Variants in SHROOM3 observed in about 807,000 individuals in gnomAD.
SHROOM3 encodes the protein shroom family member 3.
A neutral mutation model predicts 138.6 loss-of-function variants in SHROOM3; 47 were observed. That is an observed-to-expected ratio of 0.34 (90% CI 0.27 to 0.43). The LOEUF is 0.43. SHROOM3 is among the 20% of genes least tolerant of loss of function. The pLI is 1.00. For synonymous variants in SHROOM3, 1,062 were observed against 1,063.3 expected (o/e 1.00, Z 0.02); for missense variants, 2,491 against 2,596.5 (o/e 0.96, Z 0.88).
chr4:76,526,240 G>T (rs1277513172), intron 1 of SHROOM3, among the ~76,000 whole-genome samples: 3 of 152,144 alleles, frequency 2.0e-5, no homozygotes, highest in Non-Finnish European at 4.4e-5. Context: ...GGTGGCAGGT[G>T]CCTGTAATCC....
chr4:76,444,499 T>C (rs1730764797), intron 1 of SHROOM3, among the ~76,000 whole-genome samples: 1 of 132,050 alleles, frequency 7.6e-6, no homozygotes, highest in African/African-American at 2.8e-5. Flanking sequence ...TTTTTTTTTT[T>C]TTTTTTTTTT....
chr4:76,723,932 T>C (rs1361864761), intron 3 of SHROOM3, among the ~76,000 whole-genome samples: 2 of 152,242 alleles, frequency 1.3e-5, no homozygotes, highest in Non-Finnish European at 2.9e-5. Context: ...AGCAAGATTA[T>C]AAACTCTTAG....
chr4:76,541,138 AATAG>A (rs1733089127), intron 1 of SHROOM3, among the ~76,000 whole-genome samples: 1 of 152,162 alleles, frequency 6.6e-6, no homozygotes, highest in African/African-American at 2.4e-5. Context: ...TGTACGTTAT[AATAG>A]ATGTTCTACA....
rs866701391 is a variant in SHROOM3 at position 76,740,758 on chromosome 4, C to T, written c.2585C>T (p.Pro862Leu). The T allele has an allele frequency of 6.2e-7, 1 of 1,612,992 alleles. No homozygotes were observed. The highest frequency in any genetic ancestry group is 8.5e-7 in the Non-Finnish European group (1 of 1,180,000). The stretch of plus-strand genomic sequence containing the variant: ...AAGTTGGAAGAGGCTTCCCGGCAGC[C>T]CTGCGGTCAGCAGCTGAGCGGAGGA... Reference protein sequence around the residue: ...ELKLEEASRQPCGQQLSGGAS... With the variant: ...ELKLEEASRQLCGQQLSGGAS... The change falls in exon 5 of 11, where the codon CCC becomes CTC. Residue 862 changes from proline to leucine, a missense_variant. Pro to Leu is a moderately conservative substitution (Grantham distance 98, BLOSUM62 -3). Coordinates refer to ENST00000296043, the MANE Select transcript of SHROOM3 (RefSeq NM_020859.4). This position sits in a 1 kb window ranked among gnomAD's most constrained non-coding sequence, Gnocchi z 4.0.
At chr4:76,526,238 G>A (rs187676533) in intron 1 of SHROOM3, among the ~76,000 whole-genome samples, 1 of 152,152 alleles carries the variant, frequency 6.6e-6, no homozygotes, top group East Asian at 1.9e-4. Context: ...GTGGTGGCAG[G>A]TGCCTGTAAT....
chr4:76,474,273 G>A (rs992602878), intron 1 of SHROOM3, among the ~76,000 whole-genome samples: 3 of 152,164 alleles, frequency 2.0e-5, no homozygotes, highest in African/African-American at 7.2e-5. Context: ...GGTTGTCAGG[G>A]ACTATGGGGG....
chr4:76,625,540 C>T (rs77191618), intron 2 of SHROOM3, among the ~76,000 whole-genome samples: 4,162 of 150,850 alleles, frequency 0.028, 190 homozygotes, highest in African/African-American at 0.093. Flanking sequence ...ACCTAAAGCC[C>T]TCATTGCTCA....
rs1236051627 is a variant in SHROOM3, at chr4:76,676,791, A to G, written c.324-33365A>G. ...ACCCTGTCTCTACTAAAAATACAAA[A>G]AATTAGCCGGACATGATGGCCGGCG... On this transcript the variant is annotated intron_variant, in intron 2 of 10. Transcript: ENST00000296043. Among the ~76,000 whole-genome samples the G allele has an allele frequency of 5.3e-5, 8 of 152,010 alleles. No individual in the cohort carries two copies. In the East Asian group the frequency reaches 9.6e-4, roughly 18 times the overall value.
At chr4:76,454,626 G>C (rs1038306825) in intron 1 of SHROOM3, among the ~76,000 whole-genome samples, 3 of 152,154 alleles carry the variant, frequency 2.0e-5, no homozygotes, top group Non-Finnish European at 4.4e-5. Context: ...TCTTCTTAAA[G>C]TGTTTTTTTC....
Position 76,770,606 on chromosome 4 carries a change from G to T in SHROOM3, c.5350-20G>T, listed in dbSNP as rs368239655. On this transcript the variant is annotated intron_variant, in intron 9 of 10. Coordinates refer to ENST00000296043, the MANE Select transcript of SHROOM3 (RefSeq NM_020859.4). ...GCACCTCCTGTTGGCTGATCTTTGC[G>T]GTCTTATCTGTCATTTCAGGCTGAG... 1.2e-6 allele frequency: 2 copies of T among 1,612,964 alleles called. No homozygotes were observed. The highest frequency in any genetic ancestry group is 1.3e-5 in the African/African-American group (1 of 74,888).
intron 2 of SHROOM3, among the ~76,000 whole-genome samples, chr4:76,654,959 C>G (rs528693852): frequency 1.3e-5 from 2 of 152,258 alleles, no homozygotes; most frequent in African/African-American, 2.4e-5. Context: ...TGACTTCCAG[C>G]CTATCATACT....
intron 2 of SHROOM3, among the ~76,000 whole-genome samples, chr4:76,657,201 CTCTA>C (rs1736083789): frequency 1.3e-5 from 2 of 148,960 alleles, no homozygotes; most frequent in South Asian, 2.1e-4. Context: ...CTCTCTCTCT[CTCTA>C]TATATATATA....
At chr4:76,518,575 T>TGCCTGCCTGCCTGCCTGCCTGCC (rs1560531527) in intron 1 of SHROOM3, among the ~76,000 whole-genome samples, 7 of 117,434 alleles carry the variant, frequency 6.0e-5, no homozygotes, top group African/African-American at 2.3e-4. Flanking sequence ...TCTTGCCTGC[T>TGCCTGCCTGCCTGCCTGCCTGCC]TGCCTGCCTG....
chr4:76,754,032 T>C (rs1313432712), intron 6 of SHROOM3, among the ~76,000 whole-genome samples: 4 of 152,190 alleles, frequency 2.6e-5, no homozygotes, highest in Admixed American at 6.5e-5. Flanking sequence ...GCATGGTGTG[T>C]ACAGGATGTG....
In SHROOM3 at chr4:76,740,609, C is replaced by T; in HGVS notation, c.2436C>T (p.His812=). The T allele has an allele frequency of 6.2e-7, 1 of 1,614,204 alleles. No homozygotes were observed. Among genetic ancestry groups the T allele is most frequent in the Non-Finnish European group, 8.5e-7 (1 of 1,180,034 alleles). Residue 812 remains histidine, a synonymous_variant, in exon 5 of 11, where the codon CAC becomes CAT. Coordinates refer to ENST00000296043, the MANE Select transcript of SHROOM3 (RefSeq NM_020859.4). The surrounding 1 kb of genome is among the most constrained non-coding windows in gnomAD (Gnocchi z 4.0). ...GSGFGHNYRP[H]RTVSTSSTSG... ...GTTTTGGCCATAACTATAGGCCCCA[C>T]AGGACCGTCTCAACTTCCAGTACTT...
chr4:76,506,215 C>T (rs1198895351), intron 1 of SHROOM3, among the ~76,000 whole-genome samples: 1 of 151,618 alleles, frequency 6.6e-6, no homozygotes, highest in Non-Finnish European at 1.5e-5. Flanking sequence ...GCATCACACA[C>T]CAGGGCCTGT....
In SHROOM3 at chr4:76,781,818, T is replaced by G. The variant is rs1722743042; in HGVS notation, c.*2641T>G. The stretch of plus-strand genomic sequence containing the variant: ...ACCATTCTTCTTTCTCCCAACAGTA[T>G]CCTTTGCCAAGACCATGAGAACAGT... On this transcript the variant is annotated 3_prime_UTR_variant, in exon 11 of 11. Transcript: ENST00000296043. 1 of 152,238 alleles carries G rather than the reference T, an allele frequency of 6.6e-6. No homozygotes were observed. 9.4% of individuals were successfully genotyped at this position (152,238 alleles called of 1,614,324 possible).
chr4:76,511,367 A>G (rs752078351), intron 1 of SHROOM3, among the ~76,000 whole-genome samples: 32 of 152,134 alleles, frequency 2.1e-4, no homozygotes, highest in Admixed American at 5.2e-4. Flanking sequence ...GCTTAAGATC[A>G]CTACCTGCTC....
At chr4:76,520,810 T>G (rs1732547419) in intron 1 of SHROOM3, among the ~76,000 whole-genome samples, 1 of 152,204 alleles carries the variant, frequency 6.6e-6, no homozygotes, top group Non-Finnish European at 1.5e-5. Flanking sequence ...CTCATCCACT[T>G]CCTTAACAAA....
Sources: allele counts gnomAD v4.1 joint callset (sites outside exome capture counted in the v4.1 genomes callset), GRCh38; gene constraint gnomAD v4.1.1; non-coding constraint Gnocchi (gnomAD v3.1); transcripts MANE v1.5; gene names NCBI Gene and HGNC (gene_info 2026-07-23, HGNC 2026-07-21).